KLRG1: variants seen among roughly 807,000 people sequenced by gnomAD.
KLRG1 encodes killer cell lectin like receptor G1, also known as killer cell lectin-like receptor subfamily G member 1.
In KLRG1, 16 loss-of-function variants were observed where a neutral mutation model predicts 21.8. The ratio of observed to expected loss-of-function variants is 0.73; its 90% confidence interval spans 0.50 to 1.11. KLRG1 has a LOEUF of 1.11. Ranked by LOEUF, KLRG1 falls within the 50% of genes most tolerant of loss-of-function variation. The pLI, the probability that KLRG1 is intolerant of heterozygous loss-of-function variation, is 0.00. For missense variants in KLRG1, 173 were observed against 218.3 expected (o/e 0.79, Z 1.31); for synonymous variants, 69 against 75.9 (o/e 0.91, Z 0.47).
intron 2 of KLRG1, among the ~76,000 whole-genome samples, chr12:8,992,647 G>A (rs747594022): frequency 4.8e-4 from 73 of 151,992 alleles, no homozygotes; most frequent in Non-Finnish European, 8.8e-4. Flanking sequence ...TCAGCCTCTC[G>A]AGTAGCTGGG....
the KLRG1 span, among the ~76,000 whole-genome samples, chr12:9,122,956 CTA>C: frequency 2.0e-5 from 3 of 151,844 alleles, no homozygotes; most frequent in East Asian, 1.9e-4. Context: ...TTATAAATAA[CTA>C]TTTATTAATT....
the KLRG1 span, chr12:9,090,558 G>C: frequency 1.3e-6 from 2 of 1,508,598 alleles, no homozygotes; most frequent in Non-Finnish European, 1.8e-6. Flanking sequence ...AAAGCATCTT[G>C]AGGAATTGGT....
chr12:9,043,382 T>C, the KLRG1 span, among the ~76,000 whole-genome samples: 35,414 of 152,192 alleles, frequency 0.23, 4,828 homozygotes, highest in East Asian at 0.32. Context: ...CCGGCTGATA[T>C]CTTGTTTCTT....
the KLRG1 span, among the ~76,000 whole-genome samples, chr12:9,138,627 C>G: frequency 6.6e-6 from 1 of 151,908 alleles, no homozygotes; most frequent in Non-Finnish European, 1.5e-5. Context: ...CTATCTGATC[C>G]TGGGTTTTTA....
chr12:9,130,351 A>G, the KLRG1 span, among the ~76,000 whole-genome samples: 5 of 152,286 alleles, frequency 3.3e-5, no homozygotes, highest in East Asian at 3.9e-4. Flanking sequence ...GTTCTATTTG[A>G]ATTTTTTGAG....
the KLRG1 span, chr12:9,181,151 A>G: frequency 6.2e-7 from 1 of 1,613,906 alleles, no homozygotes; most frequent in Non-Finnish European, 8.5e-7. Context: ...AATGAAGGAA[A>G]CGTCAACCAG....
chr12:9,135,490 A>G, the KLRG1 span: 6 of 364,102 alleles, frequency 1.6e-5, no homozygotes, highest in South Asian at 5.4e-5. Context: ...CACTCAAAAC[A>G]GCACCGACAT....
At chr12:8,996,784 G>A (rs1236822530) in intron 3 of KLRG1, among the ~76,000 whole-genome samples, 1 of 152,068 alleles carries the variant, frequency 6.6e-6, no homozygotes, top group East Asian at 1.9e-4. Context: ...ATATAGCCTT[G>A]CTTTCTGGAC....
At chr12:9,021,463 T>A in the KLRG1 span, among the ~76,000 whole-genome samples, 8 of 150,604 alleles carry the variant, frequency 5.3e-5, no homozygotes, top group South Asian at 8.4e-4. Context: ...TGCAGTGGCA[T>A]GATCTCAGCT....
chr12:9,085,763 A>AAGAAAAAAG, the KLRG1 span, among the ~76,000 whole-genome samples: 1 of 152,140 alleles, frequency 6.6e-6, no homozygotes, highest in Admixed American at 6.5e-5. Flanking sequence ...TAGGTTAGCT[A>AAGAAAAAAG]AGAAAAAAGA....
intron 1 of KLRG1, among the ~76,000 whole-genome samples, chr12:8,969,503 G>A (rs772101248): frequency 8.6e-5 from 13 of 151,782 alleles, no homozygotes; most frequent in Non-Finnish European, 1.8e-4. Context: ...GTGAAAGTGT[G>A]GAACTTCTGG....
chr12:9,082,503 A>G, the KLRG1 span, among the ~76,000 whole-genome samples: 1 of 152,258 alleles, frequency 6.6e-6, no homozygotes, highest in African/African-American at 2.4e-5. Context: ...TGCCTGCTCA[A>G]GGTTGTCACC....
chr12:9,030,297 G>A, the KLRG1 span, among the ~76,000 whole-genome samples: 4 of 152,144 alleles, frequency 2.6e-5, no homozygotes, highest in Non-Finnish European at 4.4e-5. Flanking sequence ...TTGTGATAAA[G>A]TGTACATAAT....
the KLRG1 span, chr12:9,110,411 G>GCAAA: frequency 1.1e-6 from 1 of 883,558 alleles, no homozygotes; most frequent in Non-Finnish European, 1.7e-6. Flanking sequence ...AAAGCAGCTA[G>GCAAA]TATTTGCTAG....
At chr12:9,110,269 T>C in the KLRG1 span, 2 of 1,388,448 alleles carry the variant, frequency 1.4e-6, no homozygotes, top group Non-Finnish European at 2.0e-6. Context: ...ATTTTCCCTA[T>C]ATGTATTGCT....
At chr12:9,058,717 CTCT>C in the KLRG1 span, 5 of 152,596 alleles carry the variant, frequency 3.3e-5, no homozygotes, top group African/African-American at 1.2e-4. Context: ...CTAATGACTG[CTCT>C]TCTCGTACCA....
the KLRG1 span, among the ~76,000 whole-genome samples, chr12:9,180,779 C>G: frequency 6.6e-6 from 1 of 152,218 alleles, no homozygotes; most frequent in Non-Finnish European, 1.5e-5. Context: ...GCAATGGCAA[C>G]AAAAGACAAA....
the KLRG1 span, among the ~76,000 whole-genome samples, chr12:9,203,363 A>G: frequency 8.5e-6 from 1 of 117,310 alleles, no homozygotes; most frequent in Non-Finnish European, 1.7e-5. Context: ...TTTTTTTGAG[A>G]CGGAGTCTCG....
At chr12:9,132,761 G>A in the KLRG1 span, among the ~76,000 whole-genome samples, 2 of 152,120 alleles carry the variant, frequency 1.3e-5, no homozygotes, top group Non-Finnish European at 2.9e-5. Flanking sequence ...GAGAAGTTGT[G>A]TTACTGCAAA....
Sources: allele counts gnomAD v4.1 joint callset (sites outside exome capture counted in the v4.1 genomes callset), GRCh38; gene constraint gnomAD v4.1.1; transcripts MANE v1.5; gene names NCBI Gene and HGNC (gene_info 2026-07-23, HGNC 2026-07-21).